The following CTNND2 variants were observed in gnomAD, a reference collection of about 807,000 sequenced individuals.
CTNND2 encodes catenin delta 2.
Under a neutral mutation model 144.4 loss-of-function variants are expected in CTNND2, and 22 were observed. The ratio of observed to expected loss-of-function variants is 0.15; its 90% confidence interval spans 0.11 to 0.22. CTNND2 has a LOEUF of 0.22. Among genes scored for constraint, CTNND2 ranks in the 10% least tolerant of loss-of-function variants. CTNND2 has a pLI of 1.00. For missense variants in CTNND2, 1,353 were observed against 1,618.8 expected (o/e 0.84, Z 2.82); for synonymous variants, 751 against 695.6 (o/e 1.08, Z -1.25).
chr5:11,117,149 A>G (rs1753632821), intron 13 of CTNND2, among the ~76,000 whole-genome samples: 1 of 152,074 alleles, frequency 6.6e-6, no homozygotes, highest in Non-Finnish European at 1.5e-5. Flanking sequence ...AAAAAAAACT[A>G]GAAGCTTGTG....
At chr5:11,525,458 T>G (rs1351524935) in intron 3 of CTNND2, among the ~76,000 whole-genome samples, 2 of 152,026 alleles carry the variant, frequency 1.3e-5, no homozygotes, top group African/African-American at 4.8e-5. Flanking sequence ...AGAGGTTAAA[T>G]TTAAACATTT....
At chr5:11,898,971 A>T (rs1737633855) in intron 1 of CTNND2, among the ~76,000 whole-genome samples, 1 of 152,186 alleles carries the variant, frequency 6.6e-6, no homozygotes, top group Non-Finnish European at 1.5e-5. Flanking sequence ...GATCATCCCA[A>T]GGAGCTGGAC....
At chr5:10,983,046 G>T (rs1317003640) in intron 20 of CTNND2, among the ~76,000 whole-genome samples, 1 of 152,152 alleles carries the variant, frequency 6.6e-6, no homozygotes, top group African/African-American at 2.4e-5. Context: ...TGGTTAATGG[G>T]TAGAAAAATA....
At chr5:11,438,610 G>C (rs1462210510) in intron 3 of CTNND2, among the ~76,000 whole-genome samples, 1 of 152,202 alleles carries the variant, frequency 6.6e-6, no homozygotes. Flanking sequence ...AAATGACTAA[G>C]AATGAACATG....
intron 3 of CTNND2, among the ~76,000 whole-genome samples, chr5:11,485,374 T>TGTGTGTGTGC (rs1191824518): frequency 1.2e-4 from 17 of 140,518 alleles, no homozygotes; most frequent in African/African-American, 4.7e-4. Flanking sequence ...TGTGTGTGTG[T>TGTGTGTGTGC]GCGCGCGCGC....
chr5:11,518,582 C>T lies in CTNND2; in HGVS notation c.287+46362G>A, dbSNP rs1772410393. ...AGACTCATCCACAGCGACTTCCAGTCCTGCAAGCCCTGCATGGTTTAAGTG... is the reference window on the plus strand; with the variant it reads ...AGACTCATCCACAGCGACTTCCAGTTCTGCAAGCCCTGCATGGTTTAAGTG... On this transcript the variant is annotated intron_variant, in intron 3 of 21. Coordinates refer to ENST00000304623, the MANE Select transcript of CTNND2 (RefSeq NM_001332.4). 3.3e-5 allele frequency among the ~76,000 whole-genome samples: 5 copies of T among 152,320 alleles called. No individual in the cohort carries two copies. The South Asian group carries it at 1.0e-3, about 32-fold the overall frequency.
At position 11,524,603 on chromosome 5, in the gene CTNND2, T is replaced by C. The variant is rs146696857; in HGVS notation, c.287+40341A>G. ...GAATTTTAGGCAATTTGAAGACGGATGCTAGAGGCCTAAGGAAGGAGATAA... is the reference window on the plus strand; with the variant it reads ...GAATTTTAGGCAATTTGAAGACGGACGCTAGAGGCCTAAGGAAGGAGATAA... On this transcript the variant is annotated intron_variant, in intron 3 of 21. Coordinates refer to ENST00000304623, the MANE Select transcript of CTNND2 (RefSeq NM_001332.4). 6.9e-3 allele frequency among the ~76,000 whole-genome samples: 1,048 copies of C among 152,300 alleles called. 10 individuals are homozygous for C. The highest frequency in any genetic ancestry group is 0.024 in the African/African-American group (1,008 of 41,562).
At chr5:11,114,860 C>T (rs1753386287) in intron 13 of CTNND2, among the ~76,000 whole-genome samples, 1 of 152,080 alleles carries the variant, frequency 6.6e-6, no homozygotes, top group Non-Finnish European at 1.5e-5. Context: ...AGCGGCCAAG[C>T]AGAGGGCTGA....
intron 3 of CTNND2, among the ~76,000 whole-genome samples, chr5:11,505,158 C>T (rs1770900339): frequency 6.7e-6 from 1 of 149,022 alleles, no homozygotes; most frequent in South Asian, 2.1e-4. Context: ...AAACTGTTAA[C>T]ATTTAAGAAA....
chr5:11,110,753 A>G, intron 14 of CTNND2, 105 bp downstream of exon 14: 2 of 1,101,080 alleles, frequency 1.8e-6, no homozygotes, highest in Non-Finnish European at 2.6e-6. Context: ...TAGTGATTTT[A>G]CCTCCTGATG....
At chr5:11,378,375 C>T (rs1361535922) in intron 7 of CTNND2, among the ~76,000 whole-genome samples, 2 of 152,148 alleles carry the variant, frequency 1.3e-5, no homozygotes, top group African/African-American at 2.4e-5. Context: ...TGGGAGAGTG[C>T]CCAGTTAGGT....
intron 2 of CTNND2, among the ~76,000 whole-genome samples, chr5:11,663,391 A>C (rs1783386951): frequency 6.6e-6 from 1 of 152,200 alleles, no homozygotes; most frequent in Admixed American, 6.5e-5. Flanking sequence ...CCTGTCAATA[A>C]GTACAGCGGA....
At position 11,385,198 on chromosome 5, in the gene CTNND2, C is replaced by T; in HGVS notation, c.644G>A (p.Gly215Glu). Residue 215 changes from glycine (G) to glutamate (E), a missense_variant, in exon 7 of 22, where the codon GGG becomes GAG. Physicochemically the swap from Gly to Glu is moderately conservative, Grantham distance 98 (BLOSUM62 -2). Transcript: ENST00000304623. ...CGGCGGCGGCGGCGCGGGCTCGGGC[C>T]CCGCCAGGTGGCCGGCGCGGCTGGT... ...GTTSRAGHLA[G>E]PEPAPPPPPP... 3 of 1,053,062 alleles carry T rather than the reference C, an allele frequency of 2.8e-6. No homozygotes were observed. Among genetic ancestry groups the T allele is most frequent in the Non-Finnish European group, 3.4e-6 (3 of 875,312 alleles). The allele number at this position is 1,053,062 out of a possible 1,614,324, so 65.2% of individuals were successfully genotyped here. A position where few individuals can be genotyped will look rare whatever the true frequency, so the allele number is the denominator to read the frequency against.
At chr5:11,085,863 G>A (rs930765846) in intron 15 of CTNND2, among the ~76,000 whole-genome samples, 1 of 152,106 alleles carries the variant, frequency 6.6e-6, no homozygotes, top group African/African-American at 2.4e-5. Flanking sequence ...TTGAAGATGG[G>A]AGAATGGAAA....
chr5:11,526,584 C>A (rs148478019), intron 3 of CTNND2, among the ~76,000 whole-genome samples: 2 of 152,182 alleles, frequency 1.3e-5, no homozygotes, highest in East Asian at 1.9e-4. Flanking sequence ...GTTTGCCACA[C>A]GCCAGCCCTC....
chr5:11,050,323 A>G (rs376819899), intron 16 of CTNND2, among the ~76,000 whole-genome samples: 1 of 152,182 alleles, frequency 6.6e-6, no homozygotes, highest in African/African-American at 2.4e-5. Flanking sequence ...GCTACGTTCA[A>G]TGTTTCCCTT....
At chr5:11,709,129 G>A (rs138810782) in intron 2 of CTNND2, among the ~76,000 whole-genome samples, 1 of 152,284 alleles carries the variant, frequency 6.6e-6, no homozygotes, top group African/African-American at 2.4e-5. Context: ...AACACAGTAG[G>A]TTTCTGCGTT....
chr5:11,740,937 C>A (rs1414582234), intron 1 of CTNND2, among the ~76,000 whole-genome samples: 2 of 152,162 alleles, frequency 1.3e-5, no homozygotes, highest in Admixed American at 6.5e-5. Context: ...CAAAAGACAA[C>A]ATTTATGCAG....
intron 1 of CTNND2, among the ~76,000 whole-genome samples, chr5:11,778,401 G>T (rs1790368952): frequency 6.6e-6 from 1 of 152,128 alleles, no homozygotes; most frequent in Non-Finnish European, 1.5e-5. Flanking sequence ...AGTTCTCCAG[G>T]TGATTCAGAT....
Sources: gnomAD v4.1 joint callset for allele counts (sites outside exome capture counted in the v4.1 genomes callset) on GRCh38, gnomAD v4.1.1 for gene constraint, MANE v1.5 for transcripts, NCBI Gene and HGNC (gene_info 2026-07-23, HGNC 2026-07-21) for gene names.